SNTG2: variants seen among roughly 807,000 people sequenced by gnomAD.
SNTG2 encodes the protein gamma-2-syntrophin.
Under a neutral mutation model 70.9 loss-of-function variants are expected in SNTG2, and 74 were observed. That is an observed-to-expected ratio of 1.04 (90% CI 0.86 to 1.27). SNTG2 has a LOEUF of 1.27. SNTG2 is among the 50% of genes most tolerant of loss of function. SNTG2 has a pLI of 0.00. For missense variants in SNTG2, 717 were observed against 690.7 expected (o/e 1.04, Z -0.43); for synonymous variants, 278 against 273.8 (o/e 1.02, Z -0.15).
At chr2:1,271,092 T>G (rs1678995402) in intron 14 of SNTG2, among the ~76,000 whole-genome samples, 1 of 152,144 alleles carries the variant, frequency 6.6e-6, no homozygotes, top group Non-Finnish European at 1.5e-5. Context: ...AGTCCTTGAC[T>G]GCCTTATCAA....
chr2:1,079,862 T>G (rs960854209), intron 1 of SNTG2, among the ~76,000 whole-genome samples: 3 of 152,212 alleles, frequency 2.0e-5, no homozygotes, highest in Admixed American at 6.5e-5. Flanking sequence ...TCACATCTTT[T>G]TGATGTGAAC....
At chr2:1,228,875 TCTTC>T (rs1187604647) in intron 9 of SNTG2, among the ~76,000 whole-genome samples, 1 of 152,160 alleles carries the variant, frequency 6.6e-6, no homozygotes, top group Non-Finnish European at 1.5e-5. Flanking sequence ...GTTCAGAGTT[TCTTC>T]CTTCTGGTGG....
At chr2:1,148,655 C>G (rs546425595) in intron 6 of SNTG2, among the ~76,000 whole-genome samples, 4 of 152,204 alleles carry the variant, frequency 2.6e-5, no homozygotes, top group Admixed American at 1.3e-4. Context: ...GGGTTCCCCC[C>G]GCTCCTTGTG....
At chr2:1,056,931 A>AGGGG (rs1491587776) in intron 1 of SNTG2, among the ~76,000 whole-genome samples, 2 of 13,146 alleles carry the variant, frequency 1.5e-4, no homozygotes, top group Non-Finnish European at 1.4e-4. Context: ...GGAGGGAGGG[A>AGGGG]GGGAGAGCGC....
At chr2:999,490 G>A (rs1036765828) in intron 1 of SNTG2, among the ~76,000 whole-genome samples, 1 of 151,932 alleles carries the variant, frequency 6.6e-6, no homozygotes, top group Admixed American at 6.5e-5. Flanking sequence ...ATGATGAGTA[G>A]TTACACTAAT....
intron 4 of SNTG2, among the ~76,000 whole-genome samples, chr2:1,122,150 G>C (rs2148290425): frequency 6.6e-6 from 1 of 152,254 alleles, no homozygotes; most frequent in South Asian, 2.1e-4. Flanking sequence ...GGACCAGATG[G>C]CTTCATGGCT....
intron 8 of SNTG2, among the ~76,000 whole-genome samples, chr2:1,197,073 C>A (rs977277389): frequency 2.6e-5 from 4 of 152,076 alleles, no homozygotes; most frequent in Non-Finnish European, 5.9e-5. Context: ...ACACAACAAC[C>A]AGAAAACAAT....
chr2:1,183,020 G>A (rs1183363173), intron 8 of SNTG2, among the ~76,000 whole-genome samples: 1 of 152,146 alleles, frequency 6.6e-6, no homozygotes, highest in Admixed American at 6.5e-5. Flanking sequence ...CCCCTAAAAT[G>A]CTGGAATTAC....
chr2:1,341,018 G>A (rs1471339240), intron 16 of SNTG2: 1 of 152,266 alleles, frequency 6.6e-6, no homozygotes, highest in African/African-American at 2.4e-5. Flanking sequence ...CACAGACTGG[G>A]GTTTGCCCCA....
At chr2:1,255,577 C>A (rs1466459935) in intron 12 of SNTG2, among the ~76,000 whole-genome samples, 1 of 151,876 alleles carries the variant, frequency 6.6e-6, no homozygotes, top group East Asian at 1.9e-4. Context: ...CTCTGAGCCT[C>A]ACTCCAAACT....
Position 1,109,517 on chromosome 2 carries a change from G to C in SNTG2, c.325+11107G>C, listed in dbSNP as rs192517491. On this transcript the variant is annotated intron_variant, in intron 4 of 16. Transcript: ENST00000308624. ...CATATGAAATGGGCAAGGGACGCAT[G>C]ATTATTCACATTTCATAGGGCAGCA... Among the ~76,000 whole-genome samples the C allele has an allele frequency of 6.6e-5, 10 of 152,262 alleles. No homozygotes were observed. The East Asian group carries it at 1.7e-3, about 26-fold the overall frequency.
At chr2:1,152,292 T>G (rs1009808092) in intron 6 of SNTG2, among the ~76,000 whole-genome samples, 2 of 152,166 alleles carry the variant, frequency 1.3e-5, no homozygotes, top group African/African-American at 4.8e-5. Flanking sequence ...GATATAGGAT[T>G]GGTTAGGGCT....
At chr2:1,201,364 G>A (rs1340169016) in intron 8 of SNTG2, among the ~76,000 whole-genome samples, 1 of 151,716 alleles carries the variant, frequency 6.6e-6, no homozygotes, top group African/African-American at 2.4e-5. Context: ...TGAAGTAGAG[G>A]GTAGAAGGAT....
chr2:1,063,695 G>A (rs1465387056), intron 1 of SNTG2, among the ~76,000 whole-genome samples: 1 of 152,130 alleles, frequency 6.6e-6, no homozygotes, highest in African/African-American at 2.4e-5. Flanking sequence ...CTGAAGAGTG[G>A]ACACAACAAA....
intron 1 of SNTG2, among the ~76,000 whole-genome samples, chr2:1,064,398 T>C (rs959816801): frequency 6.6e-6 from 1 of 151,560 alleles, no homozygotes; most frequent in African/African-American, 2.4e-5. Flanking sequence ...ATATGTAATT[T>C]ATGTATGTTT....
At chr2:1,070,806 G>A (rs1039481584) in intron 1 of SNTG2, among the ~76,000 whole-genome samples, 5 of 152,184 alleles carry the variant, frequency 3.3e-5, no homozygotes, top group African/African-American at 1.2e-4. Flanking sequence ...CAGGTGAACC[G>A]TGACGAGGGT....
At chr2:1,125,876 A>T (rs1667669936) in intron 4 of SNTG2, among the ~76,000 whole-genome samples, 1 of 152,136 alleles carries the variant, frequency 6.6e-6, no homozygotes, top group Non-Finnish European at 1.5e-5. Flanking sequence ...TTTAATTAAC[A>T]CATAATTGTA....
At chr2:959,490 T>A (rs1218732279) in intron 1 of SNTG2, among the ~76,000 whole-genome samples, 1 of 151,730 alleles carries the variant, frequency 6.6e-6, no homozygotes, top group East Asian at 1.9e-4. Flanking sequence ...AGGAAGGGAG[T>A]CAGGGAGGCC....
At chr2:1,275,330 G>A (rs1323284335) in intron 14 of SNTG2, among the ~76,000 whole-genome samples, 1 of 152,208 alleles carries the variant, frequency 6.6e-6, no homozygotes, top group Non-Finnish European at 1.5e-5. Flanking sequence ...GAAGATTTAA[G>A]GAAACCCTGC....
Sources: gnomAD v4.1 joint callset for allele counts (sites outside exome capture counted in the v4.1 genomes callset) on GRCh38, gnomAD v4.1.1 for gene constraint, MANE v1.5 for transcripts, NCBI Gene and HGNC (gene_info 2026-07-23, HGNC 2026-07-21) for gene names.